ARHGEF1: variants seen among roughly 807,000 people sequenced by gnomAD.
The protein encoded by ARHGEF1 is Rho guanine nucleotide exchange factor 1.
In ARHGEF1, 40 loss-of-function variants were observed where a neutral mutation model predicts 119.7. That is an observed-to-expected ratio of 0.33 (90% confidence interval 0.26 to 0.44). ARHGEF1 has a LOEUF of 0.44. Ranked by LOEUF, ARHGEF1 falls within the 20% of genes least tolerant of loss-of-function variation. The probability of loss-of-function intolerance (pLI) is 1.00; values close to 1 mark genes in which losing one functional copy is unlikely to be tolerated. For synonymous variants in ARHGEF1, 494 were observed against 521.0 expected (o/e 0.95, Z 0.71); for missense variants, 976 against 1,268.3 (o/e 0.77, Z 3.50).
Position 41,895,450 on chromosome 19 carries a change from C to T in ARHGEF1, c.979C>T (p.His327Tyr), listed in dbSNP as rs1209592399. The change falls in exon 12 of 29, where the codon CAC becomes TAC. Residue 327 changes from histidine to tyrosine, a missense_variant. Coordinates refer to ENST00000354532, the MANE Select transcript of ARHGEF1 (RefSeq NM_004706.4). ...PGQDTPGVSL[H>Y]PLSLDSPDRE... ...GCAGGACACCCCTGGAGTCTCTCTGCACCCTCTGTCCCTGGACAGCCCAGA... is the reference window on the plus strand; with the variant it reads ...GCAGGACACCCCTGGAGTCTCTCTGTACCCTCTGTCCCTGGACAGCCCAGA... 1.2e-6 allele frequency: 2 copies of T among 1,611,844 alleles called. No individual in the cohort carries two copies. The highest frequency in any genetic ancestry group is 1.3e-5 in the African/African-American group (1 of 74,844).
chr19:41,929,272 C>G (rs1233312292), intron 2 of ARHGEF1, among the ~76,000 whole-genome samples: 9 of 152,044 alleles, frequency 5.9e-5, no homozygotes, highest in African/African-American at 2.2e-4. Context: ...CCACACTCCA[C>G]TCCCAACACA....
chr19:41,906,962 A>C lies in ARHGEF1; in HGVS notation c.*18-143A>C, dbSNP rs1405008053. On this transcript the variant is annotated intron_variant, in intron 28 of 28. Coordinates refer to ENST00000354532, the MANE Select transcript of ARHGEF1 (RefSeq NM_004706.4). The surrounding 1 kb of genome is among the most constrained non-coding windows in gnomAD (Gnocchi z 4.5). ...TCATCTCTGTGTCTCTGTTTCTGAT[A>C]ATCTGTTTCTCTGTCTCTGTGCCCG... 3 of 962,182 alleles carry C rather than the reference A, an allele frequency of 3.1e-6. No homozygotes were observed. The highest frequency in any genetic ancestry group is 3.2e-4 in the Middle Eastern group (1 of 3,092). The allele number at this position is 962,182 out of a possible 1,614,324, so 59.6% of individuals were successfully genotyped here. A position where few individuals can be genotyped will look rare whatever the true frequency, so the allele number is the denominator to read the frequency against.
chr19:41,888,368 C>T lies in ARHGEF1; in HGVS notation c.111+90C>T. 1 of 1,327,966 alleles carries T rather than the reference C, an allele frequency of 7.5e-7. No individual in the cohort carries two copies. The highest frequency in any genetic ancestry group is 1.1e-6 in the Non-Finnish European group (1 of 942,598). The allele number at this position is 1,327,966 out of a possible 1,614,324, so 82.3% of individuals were successfully genotyped here. A position where few individuals can be genotyped will look rare whatever the true frequency, so the allele number is the denominator to read the frequency against. ...CACCTGCAGATGCTGTCTTCTTGGCCTTTTCCCACGGTCTGTCTCATCCTC... is the reference window on the plus strand; with the variant it reads ...CACCTGCAGATGCTGTCTTCTTGGCTTTTTCCCACGGTCTGTCTCATCCTC... On this transcript the variant is annotated intron_variant, in intron 3 of 28. Coordinates refer to ENST00000354532, the MANE Select transcript of ARHGEF1 (RefSeq NM_004706.4). The surrounding 1 kb of genome is among the most constrained non-coding windows in gnomAD (Gnocchi z 5.1).
upstream of ARHGEF1, among the ~76,000 whole-genome samples, chr19:41,919,945 C>A (rs1599678395): frequency 6.7e-6 from 1 of 148,436 alleles, no homozygotes; most frequent in Admixed American, 6.8e-5. Context: ...CATGATACGC[C>A]CAGACGTGAC....
rs782634165 is a variant in ARHGEF1 at position 41,906,724 on chromosome 19, C to T, written c.2677C>T (p.Arg893Cys). The change falls in exon 28 of 29, where the codon CGC becomes TGC. Residue 893 changes from arginine (R) to cysteine (C), a missense_variant. By Grantham distance (180) the Arg-to-Cys change is radical (BLOSUM62 -3). This residue lies in a region of ARHGEF1 where 171 missense variants were observed against 180.6 expected (regional missense o/e 0.95). Coordinates refer to ENST00000354532, the MANE Select transcript of ARHGEF1 (RefSeq NM_004706.4). This position sits in a 1 kb window ranked among gnomAD's most constrained non-coding sequence, Gnocchi z 4.5. ...QLEELEEEFC[R>C]LRPLLSQLGG... is the part of the protein sequence containing the mutation. Reference sequence around the variant, plus strand: ...CCAGGAGTTGGAGGAGGAATTTTGCCGCCTGAGACCCCTCCTGTCTCAGCT... The same window carrying T: ...CCAGGAGTTGGAGGAGGAATTTTGCTGCCTGAGACCCCTCCTGTCTCAGCT... 7.5e-6 allele frequency: 12 copies of T among 1,609,712 alleles called. No individual in the cohort carries two copies. The highest frequency in any genetic ancestry group is 1.7e-5 in the Admixed American group (1 of 58,838).
chr19:41,916,209 C>T lies in ARHGEF1; in HGVS notation c.1866-6883C>T, dbSNP rs755135249. On this transcript the variant is annotated intron_variant, in intron 18 of 20. Transcript: ENST00000599589. The surrounding 1 kb of genome is among the most constrained non-coding windows in gnomAD (Gnocchi z 5.4). ...ACCACGTCCCACACAGCACACATCG[C>T]ACAGATGCACACACCAGCACAGCCA... is the stretch of plus-strand genomic sequence containing the variant. 4.1e-4 allele frequency among the ~76,000 whole-genome samples: 63 copies of T among 152,006 alleles called. No individual in the cohort carries two copies. The highest frequency in any genetic ancestry group is 6.8e-3 in the Middle Eastern group (2 of 294).
At chr19:41,901,842 G>C (rs782596012) in intron 14 of ARHGEF1, 45 bp from the exon 15 acceptor site, 14 of 1,594,222 alleles carry the variant, frequency 8.8e-6, no homozygotes, top group Non-Finnish European at 1.1e-5. Context: ...ATGCCCCCTA[G>C]TCTGCACCCT....
chr19:41,908,983 CT>C (rs2074736557), downstream of ARHGEF1: 2 of 946,906 alleles, frequency 2.1e-6, no homozygotes, highest in South Asian at 1.1e-4. The surrounding 1 kb of genome is among the most constrained non-coding windows in gnomAD (Gnocchi z 6.7). Context: ...CTTCTCTTGT[CT>C]TTTCTCATCC....
chr19:41,924,542 C>T (rs1359371962), intron 1 of ARHGEF1, among the ~76,000 whole-genome samples: 5 of 151,906 alleles, frequency 3.3e-5, no homozygotes, highest in African/African-American at 7.3e-5. Context: ...TTCTCGTTGT[C>T]GCCATCAGTA....
In ARHGEF1 at chr19:41,906,631, A is replaced by G. The variant is rs2074701980; in HGVS notation, c.2655+11A>G. 1.9e-6 allele frequency: 3 copies of G among 1,601,848 alleles called. No individual in the cohort carries two copies. Among genetic ancestry groups the G allele is most frequent in the Non-Finnish European group, 2.6e-6 (3 of 1,175,978 alleles). On this transcript the variant is annotated intron_variant, in intron 27 of 28. Coordinates refer to ENST00000354532, the MANE Select transcript of ARHGEF1 (RefSeq NM_004706.4). The surrounding 1 kb of genome is among the most constrained non-coding windows in gnomAD (Gnocchi z 4.5). The stretch of plus-strand genomic sequence containing the variant: ...ATGAAGCAGCTGGAGGTGGGGCGGG[A>G]CGGGCCAGGGGTGCCCTGAGTGGGC...
downstream of ARHGEF1, chr19:41,908,684 G>A: frequency 8.1e-7 from 1 of 1,229,148 alleles, no homozygotes; most frequent in Non-Finnish European, 1.0e-6. This position sits in a 1 kb window ranked among gnomAD's most constrained non-coding sequence, Gnocchi z 6.7. Context: ...CACCTGGGGG[G>A]CACAGGGGTA....
Position 41,904,194 on chromosome 19 carries a change from G to A in ARHGEF1, c.1994-22G>A. On this transcript the variant is annotated intron_variant, in intron 21 of 28. Coordinates refer to ENST00000354532, the MANE Select transcript of ARHGEF1 (RefSeq NM_004706.4). This position sits in a 1 kb window ranked among gnomAD's most constrained non-coding sequence, Gnocchi z 8.4. ...AGGGGGTCGCGCGGGGGCACGCCGT[G>A]TGAGCACTGCTCGCCCCGTAGAGGT... 6.2e-7 allele frequency: 1 copy of A among 1,613,182 alleles called. No individual in the cohort carries two copies. The highest frequency in any genetic ancestry group is 8.5e-7 in the Non-Finnish European group (1 of 1,179,370).
rs782132873 is a variant in ARHGEF1 at position 41,894,554 on chromosome 19, C to G, written c.841+7C>G. The G allele has an allele frequency of 1.2e-6, 2 of 1,613,332 alleles. No homozygotes were observed. The highest frequency in any genetic ancestry group is 4.5e-5 in the East Asian group (2 of 44,882). Reference sequence around the variant, plus strand: ...AACCGGGGAGAGCCCCAGGGTAAGGCGGCTCTGGCCTCTGCCCTCCCCTGT... The same window carrying G: ...AACCGGGGAGAGCCCCAGGGTAAGGGGGCTCTGGCCTCTGCCCTCCCCTGT... On this transcript the variant is annotated splice_region_variant and intron_variant, in intron 10 of 28. Transcript: ENST00000354532.
At position 41,888,805 on chromosome 19, in the gene ARHGEF1, C is replaced by T. The variant is rs2123376699; in HGVS notation, c.165C>T (p.Arg55=). The T allele has an allele frequency of 6.2e-7, 1 of 1,614,236 alleles. No homozygotes were observed. Among genetic ancestry groups the T allele is most frequent in the Non-Finnish European group, 8.5e-7 (1 of 1,180,028 alleles). ...AGAGCCTGGAGCAGGTGAAGCGGCG[C>T]CCAGCCCACCTCATGGCCCTCCTGC... ...QFQSLEQVKR[R]PAHLMALLQH... is the part of the protein sequence containing the mutation. Residue 55 remains arginine, a synonymous_variant, in exon 4 of 29, where the codon CGC becomes CGT. Coordinates refer to ENST00000354532, the MANE Select transcript of ARHGEF1 (RefSeq NM_004706.4). This position sits in a 1 kb window ranked among gnomAD's most constrained non-coding sequence, Gnocchi z 5.1.
At position 41,906,434 on chromosome 19, in the gene ARHGEF1, C is replaced by A; in HGVS notation, c.2492-23C>A. The stretch of plus-strand genomic sequence containing the variant: ...GCCCAGCCCCCTGGTCTCCTGACTC[C>A]ACCCCTCCTTGCCCCTGGCCAGTGC... On this transcript the variant is annotated intron_variant, in intron 26 of 28. Coordinates refer to ENST00000354532, the MANE Select transcript of ARHGEF1 (RefSeq NM_004706.4). This position sits in a 1 kb window ranked among gnomAD's most constrained non-coding sequence, Gnocchi z 4.5. The A allele has an allele frequency of 6.5e-7, 1 of 1,534,322 alleles. No individual in the cohort carries two copies. Among genetic ancestry groups the A allele is most frequent in the Non-Finnish European group, 8.7e-7 (1 of 1,145,766 alleles).
At chr19:41,887,944 C>T (rs1219108249) in intron 1 of ARHGEF1, 120 bp from the exon 2 acceptor site, 19 of 1,153,144 alleles carry the variant, frequency 1.6e-5, no homozygotes, top group South Asian at 4.7e-5. Flanking sequence ...CATTGAGCTG[C>T]GGAGGCTGGG....
chr19:41,928,022 G>A (rs1390700389), intron 1 of ARHGEF1: 1 of 152,124 alleles, frequency 6.6e-6, no homozygotes, highest in Non-Finnish European at 1.5e-5. Context: ...CCCTGCGCCG[G>A]CCGCGGCGCT....
chr19:41,900,033 G>A lies in ARHGEF1; in HGVS notation c.1267+1446G>A, dbSNP rs113913861. On this transcript the variant is annotated intron_variant, in intron 14 of 28. Coordinates refer to ENST00000354532, the MANE Select transcript of ARHGEF1 (RefSeq NM_004706.4). ...GGACCATCGGCCACCTATGGCTGGT[G>A]AGCACTTGAAATGCACTAGGCCAGG... 6.6e-5 allele frequency among the ~76,000 whole-genome samples: 10 copies of A among 152,102 alleles called. 1 individual carries two copies. Among genetic ancestry groups the A allele is most frequent in the African/African-American group, 2.4e-4 (10 of 41,500 alleles).
chr19:41,915,017 G>C (rs1359855060), intron 18 of ARHGEF1, among the ~76,000 whole-genome samples: 2 of 53,926 alleles, frequency 3.7e-5, no homozygotes, highest in Admixed American at 5.9e-4. Flanking sequence ...TGCCCCCACC[G>C]TGTCCCTGTC....
Sources: gnomAD v4.1 joint callset for allele counts (sites outside exome capture counted in the v4.1 genomes callset) on GRCh38, gnomAD v4.1.1 for gene constraint, gnomAD v4.1.1 regional missense constraint, Gnocchi (gnomAD v3.1) non-coding constraint, MANE v1.5 for transcripts, NCBI Gene and HGNC (gene_info 2026-07-23, HGNC 2026-07-21) for gene names.